Variants in CCSER1 observed in about 807,000 individuals in gnomAD.
CCSER1 encodes coiled-coil serine rich protein 1, also known as serine-rich coiled-coil domain-containing protein 1.
Under a neutral mutation model 82.0 loss-of-function variants are expected in CCSER1, and 41 were observed. That is an observed-to-expected ratio of 0.50 (90% CI 0.39 to 0.65). The LOEUF (loss-of-function observed/expected upper bound fraction) is 0.65. Ranked by LOEUF, CCSER1 falls within the 30% of genes least tolerant of loss-of-function variation. The pLI is 0.00. For synonymous variants in CCSER1, 414 were observed against 383.9 expected (o/e 1.08, Z -0.92); for missense variants, 1,119 against 1,064.2 (o/e 1.05, Z -0.72).
intron 10 of CCSER1, among the ~76,000 whole-genome samples, chr4:91,457,052 T>A (rs564615301): frequency 6.6e-6 from 1 of 152,236 alleles, no homozygotes; most frequent in South Asian, 2.1e-4. Context: ...GAAAGGAACA[T>A]ACAATCCATG....
intron 10 of CCSER1, among the ~76,000 whole-genome samples, chr4:91,535,031 T>A (rs568090525): frequency 6.6e-6 from 1 of 151,996 alleles, no homozygotes; most frequent in Non-Finnish European, 1.5e-5. Context: ...CTACTACAGA[T>A]AATTTTATTT....
Position 90,379,081 on chromosome 4 carries a change from A to G in CCSER1, c.1510-20955A>G, listed in dbSNP as rs140654102. Among the ~76,000 whole-genome samples the G allele has an allele frequency of 1.1e-3, 167 of 152,334 alleles. 1 individual carries two copies. Among genetic ancestry groups the G allele is most frequent in the African/African-American group, 3.5e-3 (147 of 41,586 alleles). On this transcript the variant is annotated intron_variant, in intron 3 of 10. Coordinates refer to ENST00000509176, the MANE Select transcript of CCSER1 (RefSeq NM_001145065.2). ...AAAATTTATTATAATCGACTGAGCT[A>G]TATAATGCCAAGAAATAAACCATGA... is the stretch of plus-strand genomic sequence containing the variant.
chr4:90,394,312 T>A (rs1751654857), intron 3 of CCSER1, among the ~76,000 whole-genome samples: 1 of 152,170 alleles, frequency 6.6e-6, no homozygotes, highest in African/African-American at 2.4e-5. Flanking sequence ...ACATTCATTG[T>A]CATATCCCTA....
In CCSER1 at chr4:90,444,123, A is replaced by T. The variant is rs182854836; in HGVS notation, c.1604-24111A>T. Among the ~76,000 whole-genome samples the T allele has an allele frequency of 2.2e-3, 342 of 152,112 alleles. 4 individuals are homozygous for T. Among genetic ancestry groups the T allele is most frequent in the African/African-American group, 7.9e-3 (330 of 41,534 alleles). On this transcript the variant is annotated intron_variant, in intron 4 of 10. Coordinates refer to ENST00000509176, the MANE Select transcript of CCSER1 (RefSeq NM_001145065.2). ...GAGAAAATACTCAATTGCTTCCTAG[A>T]ATGTGTGGAATTTCCTGCTTCCTTT...
intron 10 of CCSER1, among the ~76,000 whole-genome samples, chr4:91,581,098 T>C (rs1763705709): frequency 1.3e-5 from 2 of 151,626 alleles, no homozygotes; most frequent in Admixed American, 6.6e-5. Flanking sequence ...TCCTGGACAA[T>C]TGTATAAAAA....
At chr4:90,451,712 T>C (rs1366282033) in intron 4 of CCSER1, among the ~76,000 whole-genome samples, 2 of 152,122 alleles carry the variant, frequency 1.3e-5, no homozygotes, top group Non-Finnish European at 1.5e-5. Flanking sequence ...TTTTATGGAG[T>C]ACTCCCAGAT....
chr4:90,527,410 A>G (rs1773927408), intron 5 of CCSER1, among the ~76,000 whole-genome samples: 1 of 152,192 alleles, frequency 6.6e-6, no homozygotes. Flanking sequence ...ATCTCATGCC[A>G]GTTAGAATAG....
chr4:91,230,302 C>G (rs2149114080), intron 10 of CCSER1, among the ~76,000 whole-genome samples: 1 of 151,968 alleles, frequency 6.6e-6, no homozygotes, highest in Admixed American at 6.6e-5. Flanking sequence ...AAAATTATAC[C>G]ACTAGCAAGA....
intron 10 of CCSER1, among the ~76,000 whole-genome samples, chr4:91,459,388 A>G (rs2149429087): frequency 6.6e-6 from 1 of 152,118 alleles, no homozygotes; most frequent in South Asian, 2.1e-4. Context: ...TGTTTCTGGG[A>G]GCAGATGGAT....
chr4:91,443,824 A>C (rs913504263), intron 10 of CCSER1, among the ~76,000 whole-genome samples: 1 of 150,752 alleles, frequency 6.6e-6, no homozygotes, highest in Admixed American at 6.6e-5. Context: ...TTAGATAACC[A>C]TCCAATTATA....
chr4:90,194,150 G>C (rs993314601), intron 1 of CCSER1, among the ~76,000 whole-genome samples: 12 of 152,004 alleles, frequency 7.9e-5, no homozygotes, highest in African/African-American at 2.7e-4. Flanking sequence ...TGGTTAGAAG[G>C]TTATAGTTTG....
intron 1 of CCSER1, among the ~76,000 whole-genome samples, chr4:90,157,504 G>C (rs1279869951): frequency 6.6e-6 from 1 of 152,174 alleles, no homozygotes; most frequent in Non-Finnish European, 1.5e-5. Flanking sequence ...GTCACTTTCA[G>C]ATACACCAAT....
At chr4:90,516,652 A>G (rs1772320512) in intron 5 of CCSER1, among the ~76,000 whole-genome samples, 1 of 152,332 alleles carries the variant, frequency 6.6e-6, no homozygotes, top group Admixed American at 6.5e-5. Context: ...ACACAAAGGG[A>G]AAGGGTATGA....
intron 5 of CCSER1, among the ~76,000 whole-genome samples, chr4:90,564,883 G>A (rs1294172816): frequency 6.6e-6 from 1 of 152,036 alleles, no homozygotes; most frequent in Non-Finnish European, 1.5e-5. Flanking sequence ...TGGACTATGT[G>A]TCTTTTAATG....
At chr4:91,370,826 A>C (rs1749987768) in intron 10 of CCSER1, among the ~76,000 whole-genome samples, 1 of 152,114 alleles carries the variant, frequency 6.6e-6, no homozygotes, top group Non-Finnish European at 1.5e-5. Context: ...GATGCCCATC[A>C]CCTTAATTAT....
chr4:91,044,043 T>C (rs555463034), intron 9 of CCSER1, among the ~76,000 whole-genome samples: 6 of 152,328 alleles, frequency 3.9e-5, no homozygotes, highest in African/African-American at 1.4e-4. Context: ...CCCAGGTGTT[T>C]ACCTCCAACA....
chr4:91,451,084 T>C (rs1440410011), intron 10 of CCSER1, among the ~76,000 whole-genome samples: 1 of 88,030 alleles, frequency 1.1e-5, no homozygotes, highest in Non-Finnish European at 2.7e-5. Flanking sequence ...AGTTTTCTAG[T>C]TCAAAGATGG....
At chr4:90,470,732 G>A (rs1348979741) in intron 5 of CCSER1, among the ~76,000 whole-genome samples, 2 of 126,532 alleles carry the variant, frequency 1.6e-5, no homozygotes, top group Non-Finnish European at 3.1e-5. Context: ...CCAGTGGAAG[G>A]AGATAATTTC....
At chr4:90,903,777 C>T (rs79594119) in intron 8 of CCSER1, among the ~76,000 whole-genome samples, 5,850 of 149,642 alleles carry the variant, frequency 0.039, 162 homozygotes, top group Non-Finnish European at 0.059. Flanking sequence ...GTGGAGGTTT[C>T]AGTGAGCTAA....
Sources: gnomAD v4.1 joint callset for allele counts (sites outside exome capture counted in the v4.1 genomes callset) on GRCh38, gnomAD v4.1.1 for gene constraint, MANE v1.5 for transcripts, NCBI Gene and HGNC (gene_info 2026-07-23, HGNC 2026-07-21) for gene names.